The following APBA2 variants were observed in gnomAD, a reference collection of about 807,000 sequenced individuals.
APBA2 encodes amyloid-beta A4 precursor protein-binding family A member 2.
In APBA2, 30 loss-of-function variants were observed where a neutral mutation model predicts 75.0. The ratio of observed to expected loss-of-function variants is 0.40; its 90% CI spans 0.30 to 0.54. APBA2 has a LOEUF of 0.54. Ranked by LOEUF, APBA2 falls within the 20% of genes least tolerant of loss-of-function variation. APBA2 has a pLI of 0.49. For missense variants in APBA2, 801 were observed against 1,016.1 expected (o/e 0.79, Z 2.88); for synonymous variants, 444 against 409.6 (o/e 1.08, Z -1.01).
At chr15:28,988,412 C>T (rs368707332) in intron 2 of APBA2, among the ~76,000 whole-genome samples, 7 of 151,834 alleles carry the variant, frequency 4.6e-5, no homozygotes, top group South Asian at 2.1e-4. Flanking sequence ...TACAGGCGCC[C>T]GCCACTGCAC....
chr15:28,997,046 G>A (rs984090839), intron 3 of APBA2, among the ~76,000 whole-genome samples: 1 of 152,226 alleles, frequency 6.6e-6, no homozygotes, highest in African/African-American at 2.4e-5. Context: ...TGTAAAGCAA[G>A]GCAGCTTTAT....
chr15:29,075,753 C>T (rs2152925717), intron 5 of APBA2, among the ~76,000 whole-genome samples: 1 of 152,240 alleles, frequency 6.6e-6, no homozygotes, highest in South Asian at 2.1e-4. Context: ...GCCTGGATGG[C>T]TCTCATGCCC....
rs1007473717 is a variant in APBA2, at chr15:29,118,147, C to T, written c.*1014C>T. On this transcript the variant is annotated 3_prime_UTR_variant, in exon 15 of 15. Coordinates refer to ENST00000683413, the MANE Select transcript of APBA2 (RefSeq NM_001353788.2). ...ATCTGACGTCATCTTGTCTCGAAGT[C>T]TCTTTTTTTGGCCCAGGCCTTGAAG... is the stretch of plus-strand genomic sequence containing the variant. 7.9e-5 allele frequency: 12 copies of T among 152,672 alleles called. No individual in the cohort carries two copies. Among genetic ancestry groups the T allele is most frequent in the African/African-American group, 2.9e-4 (12 of 41,458 alleles). The allele number at this position is 152,672 out of a possible 1,614,324, so 9.5% of individuals were successfully genotyped here.
intron 2 of APBA2, among the ~76,000 whole-genome samples, chr15:28,962,280 G>C (rs2036514301): frequency 6.6e-6 from 1 of 151,908 alleles, no homozygotes; most frequent in Admixed American, 6.6e-5. Context: ...TAATAATAAA[G>C]ATGGGTTTCG....
intron 2 of APBA2, among the ~76,000 whole-genome samples, chr15:28,930,635 G>T (rs1020646556): frequency 5.3e-5 from 8 of 152,142 alleles, no homozygotes; most frequent in African/African-American, 1.9e-4. Flanking sequence ...CCGAGGGATG[G>T]AGTGTCTGGG....
At chr15:29,008,938 T>A (rs1407177054) in intron 3 of APBA2, among the ~76,000 whole-genome samples, 1 of 152,170 alleles carries the variant, frequency 6.6e-6, no homozygotes. Flanking sequence ...TGTTCTCTAG[T>A]GTGAGTTAAC....
At chr15:29,020,884 A>G (rs2039919793) in intron 3 of APBA2, among the ~76,000 whole-genome samples, 1 of 152,166 alleles carries the variant, frequency 6.6e-6, no homozygotes, top group South Asian at 2.1e-4. Flanking sequence ...AATAAAATTT[A>G]CAGTGAATAT....
At chr15:29,113,101 G>T (rs528960019) in intron 13 of APBA2, among the ~76,000 whole-genome samples, 1 of 152,244 alleles carries the variant, frequency 6.6e-6, no homozygotes, top group East Asian at 1.9e-4. Flanking sequence ...CCGCTAGTCC[G>T]TGCTGTCACC....
chr15:29,022,067 A>T (rs1278917390), intron 3 of APBA2, among the ~76,000 whole-genome samples: 4 of 152,162 alleles, frequency 2.6e-5, no homozygotes, highest in Admixed American at 2.6e-4. Flanking sequence ...TTATTCACAT[A>T]TCTTGGGTAT....
Position 29,054,097 on chromosome 15 carries a change from C to T in APBA2, c.213C>T (p.Asp71=), listed in dbSNP as rs1346442486. The change falls in exon 4 of 15, where the codon GAC becomes GAT. Residue 71 remains aspartate, a synonymous_variant. Coordinates refer to ENST00000683413, the MANE Select transcript of APBA2 (RefSeq NM_001353788.2). This position sits in a 1 kb window ranked among gnomAD's most constrained non-coding sequence, Gnocchi z 6.1. ...GCCACAACCACAGCCCCGATGGGGA[C>T]TCCAGCTCTGACTACGTGAACAACA... ...QECHNHSPDG[D]SSSDYVNNTS... 6.2e-7 allele frequency: 1 copy of T among 1,614,148 alleles called. No homozygotes were observed. The highest frequency in any genetic ancestry group is 1.7e-5 in the Admixed American group (1 of 60,026).
At chr15:29,091,101 C>G (rs1257161189) in intron 6 of APBA2, among the ~76,000 whole-genome samples, 1 of 152,144 alleles carries the variant, frequency 6.6e-6, no homozygotes, top group Non-Finnish European at 1.5e-5. Flanking sequence ...GACAGGTGGA[C>G]AGGGGTTCCT....
intron 3 of APBA2, among the ~76,000 whole-genome samples, chr15:29,052,790 A>T (rs552014419): frequency 6.6e-6 from 1 of 152,156 alleles, no homozygotes; most frequent in Non-Finnish European, 1.5e-5. Context: ...AGCATCTGGT[A>T]AGGGCCTTCT....
intron 2 of APBA2, among the ~76,000 whole-genome samples, chr15:28,993,353 A>C (rs75503443): frequency 0.033 from 4,976 of 152,276 alleles, 281 homozygotes; most frequent in African/African-American, 0.11. Context: ...CTGCATGGAA[A>C]CGAAAATGAA....
chr15:29,087,696 C>T (rs996851710), intron 6 of APBA2, among the ~76,000 whole-genome samples: 5 of 152,112 alleles, frequency 3.3e-5, no homozygotes, highest in African/African-American at 4.8e-5. Context: ...TCACTTGAGA[C>T]GCCAGTTACA....
chr15:29,102,316 ACAGAGGGG>A (rs1337549478), intron 10 of APBA2: 4 of 187,240 alleles, frequency 2.1e-5, no homozygotes, highest in African/African-American at 7.1e-5. Flanking sequence ...CTGGAGGGGG[ACAGAGGGG>A]CTGAGGAAGG....
chr15:28,972,766 A>G (rs978933865), intron 2 of APBA2, among the ~76,000 whole-genome samples: 19 of 152,332 alleles, frequency 1.2e-4, no homozygotes, highest in African/African-American at 4.3e-4. Context: ...GAGTTTCATC[A>G]TCTGTCGATA....
At chr15:28,891,574 G>T (rs2032133028) in intron 1 of APBA2, among the ~76,000 whole-genome samples, 1 of 152,200 alleles carries the variant, frequency 6.6e-6, no homozygotes, top group Non-Finnish European at 1.5e-5. Context: ...TGCCCTCCAG[G>T]AAGGTGGCTG....
Position 29,101,711 on chromosome 15 carries a change from T to C in APBA2, c.1451T>C (p.Ile484Thr), listed in dbSNP as rs771392666. Residue 484 changes from isoleucine to threonine, a missense_variant, in exon 10 of 15, where the codon ATC (isoleucine) becomes ACC (threonine). Around this residue, in one of 2 missense-constraint regions of APBA2, gnomAD observed 367 missense variants for 544.5 expected, o/e 0.67. Transcript: ENST00000683413. The stretch of plus-strand genomic sequence containing the variant: ...CCCCGGTCAGCCTCTCAGGACTGCA[T>C]CGAGACCACGCCCGGGGCCCAGGAA... ...RMPRSASQDCIETTPGAQEGK... is the reference protein window; with the variant it reads ...RMPRSASQDCTETTPGAQEGK... The C allele has an allele frequency of 6.2e-7, 1 of 1,613,678 alleles. No homozygotes were observed. The highest frequency in any genetic ancestry group is 8.5e-7 in the Non-Finnish European group (1 of 1,180,036).
intron 3 of APBA2, among the ~76,000 whole-genome samples, chr15:29,011,730 C>T (rs1431869715): frequency 6.6e-6 from 1 of 152,132 alleles, no homozygotes; most frequent in Non-Finnish European, 1.5e-5. Flanking sequence ...TATCCAGCTG[C>T]TCATAATGTC....
Sources: gnomAD v4.1 joint callset for allele counts (sites outside exome capture counted in the v4.1 genomes callset) on GRCh38, gnomAD v4.1.1 for gene constraint, gnomAD v4.1.1 regional missense constraint, Gnocchi (gnomAD v3.1) non-coding constraint, MANE v1.5 for transcripts, NCBI Gene and HGNC (gene_info 2026-07-23, HGNC 2026-07-21) for gene names.